The following SGCZ variants were observed in gnomAD, a reference collection of about 807,000 sequenced individuals.
SGCZ encodes sarcoglycan zeta.
A neutral mutation model predicts 41.3 loss-of-function variants in SGCZ; 40 were observed. That is an observed-to-expected ratio of 0.97 (90% CI 0.75 to 1.26). The LOEUF (loss-of-function observed/expected upper bound fraction) is 1.26, where lower values mean the gene tolerates loss of function less well. Ranked by LOEUF, SGCZ falls within the 50% of genes most tolerant of loss-of-function variation. The probability of loss-of-function intolerance (pLI) is 0.00; values close to 1 mark genes in which losing one functional copy is unlikely to be tolerated. For missense variants in SGCZ, 552 were observed against 369.8 expected, an observed-to-expected ratio of 1.49 and a Z score of -4.04; for synonymous variants, 206 against 137.5, an observed-to-expected ratio of 1.50 and a Z score of -3.49.
chr8:15,200,096 C>A (rs1800846215), intron 1 of SGCZ, among the ~76,000 whole-genome samples: 1 of 152,218 alleles, frequency 6.6e-6, no homozygotes, highest in African/African-American at 2.4e-5. Context: ...AGGGCCAACA[C>A]TGTAGAAATT....
At chr8:15,197,982 A>G (rs917390527) in intron 1 of SGCZ, among the ~76,000 whole-genome samples, 1 of 149,240 alleles carries the variant, frequency 6.7e-6, no homozygotes, top group African/African-American at 2.4e-5. Flanking sequence ...TATTATGTAC[A>G]GATACATATA....
intron 1 of SGCZ, among the ~76,000 whole-genome samples, chr8:14,739,610 T>C (rs1363631374): frequency 6.6e-6 from 1 of 152,064 alleles, no homozygotes; most frequent in African/African-American, 2.4e-5. Context: ...TTAATGTAAA[T>C]TCTTCTTTGT....
intron 1 of SGCZ, among the ~76,000 whole-genome samples, chr8:15,031,166 G>C (rs1803645946): frequency 6.6e-6 from 1 of 151,984 alleles, no homozygotes; most frequent in South Asian, 2.1e-4. Flanking sequence ...AGGATGCTAT[G>C]GCACTTTTAT....
intron 1 of SGCZ, among the ~76,000 whole-genome samples, chr8:14,902,417 C>T (rs1359790031): frequency 4.6e-5 from 7 of 152,060 alleles, no homozygotes; most frequent in African/African-American, 1.7e-4. Flanking sequence ...TCTGTCTCTC[C>T]GAAGTTTTTG....
At chr8:15,182,936 T>G (rs1049455704) in intron 1 of SGCZ, among the ~76,000 whole-genome samples, 3 of 152,214 alleles carry the variant, frequency 2.0e-5, no homozygotes, top group Admixed American at 1.3e-4. Flanking sequence ...AATATTAATT[T>G]TACCTTTTTA....
intron 1 of SGCZ, among the ~76,000 whole-genome samples, chr8:14,945,610 G>C (rs867266472): frequency 1.6e-4 from 25 of 151,960 alleles, no homozygotes; most frequent in Admixed American, 1.3e-4. Flanking sequence ...GTCTGTAAGG[G>C]CGTTTCCGGA....
chr8:14,311,513 A>C (rs912819850), intron 3 of SGCZ, among the ~76,000 whole-genome samples: 1 of 152,144 alleles, frequency 6.6e-6, no homozygotes, highest in African/African-American at 2.4e-5. Context: ...GATCTCTTCA[A>C]ATCTTTTTGG....
At chr8:14,734,767 A>G (rs1294763619) in intron 1 of SGCZ, among the ~76,000 whole-genome samples, 2 of 152,208 alleles carry the variant, frequency 1.3e-5, no homozygotes, top group Admixed American at 1.3e-4. Flanking sequence ...AATGGTAATA[A>G]GTAATTCCAC....
intron 1 of SGCZ, among the ~76,000 whole-genome samples, chr8:14,851,912 G>A (rs1385690191): frequency 1.3e-5 from 2 of 152,026 alleles, no homozygotes; most frequent in Non-Finnish European, 2.9e-5. Flanking sequence ...GAAGAGTGAT[G>A]ATAGCTGAGA....
intron 2 of SGCZ, among the ~76,000 whole-genome samples, chr8:14,527,837 A>G (rs975442101): frequency 2.1e-4 from 32 of 151,976 alleles, no homozygotes; most frequent in Non-Finnish European, 4.1e-4. Context: ...AGGCTCTCAT[A>G]TTGCTGAGGT....
At chr8:14,582,720 C>G (rs1405241696) in intron 1 of SGCZ, among the ~76,000 whole-genome samples, 1 of 140,262 alleles carries the variant, frequency 7.1e-6, no homozygotes. Flanking sequence ...CGTGTGTTCT[C>G]ATTGTTCAAT....
In SGCZ at chr8:14,662,295, A is replaced by G. The variant is rs145787652; in HGVS notation, c.40-107369T>C. Among the ~76,000 whole-genome samples the G allele has an allele frequency of 2.2e-3, 335 of 152,268 alleles. 3 individuals carry two copies. Among genetic ancestry groups the G allele is most frequent in the African/African-American group, 7.8e-3 (324 of 41,562 alleles). On this transcript the variant is annotated intron_variant, in intron 1 of 7. Coordinates refer to ENST00000382080, the MANE Select transcript of SGCZ (RefSeq NM_139167.4). ...TGGATTCAAACAGATGTTATTTCCA[A>G]TTTTTGATTTGTCTGTTTCTGTGAT...
chr8:14,447,110 A>G (rs1800455025), intron 2 of SGCZ, among the ~76,000 whole-genome samples: 1 of 152,198 alleles, frequency 6.6e-6, no homozygotes, highest in South Asian at 2.1e-4. Flanking sequence ...TTAGTCAATT[A>G]AAACACCAAC....
intron 1 of SGCZ, among the ~76,000 whole-genome samples, chr8:14,981,579 C>T (rs558740442): frequency 3.3e-5 from 5 of 152,192 alleles, no homozygotes; most frequent in African/African-American, 9.6e-5. Flanking sequence ...GAACTATATC[C>T]CTCTATATTC....
intron 1 of SGCZ, among the ~76,000 whole-genome samples, chr8:14,671,129 A>G (rs1022725051): frequency 3.3e-5 from 5 of 152,206 alleles, no homozygotes; most frequent in African/African-American, 7.2e-5. Flanking sequence ...CTTCAGCTTC[A>G]GAATCATGTA....
intron 2 of SGCZ, among the ~76,000 whole-genome samples, chr8:14,382,162 G>T (rs1450626450): frequency 1.3e-5 from 2 of 151,608 alleles, no homozygotes; most frequent in African/African-American, 4.9e-5. Context: ...AATTTTTTCT[G>T]CTAAACCAGT....
At chr8:15,157,632 G>A (rs1400609692) in intron 1 of SGCZ, among the ~76,000 whole-genome samples, 1 of 152,048 alleles carries the variant, frequency 6.6e-6, no homozygotes, top group Non-Finnish European at 1.5e-5. Context: ...TACAGCTCTG[G>A]AACAAGTGAA....
intron 2 of SGCZ, among the ~76,000 whole-genome samples, chr8:14,528,318 G>A (rs901383502): frequency 3.7e-4 from 57 of 152,182 alleles, no homozygotes; most frequent in Admixed American, 7.2e-4. Flanking sequence ...GAAAGCATGC[G>A]ACGGATTAAA....
intron 1 of SGCZ, among the ~76,000 whole-genome samples, chr8:15,094,160 G>C (rs568392211): frequency 1.3e-5 from 2 of 151,132 alleles, no homozygotes; most frequent in Non-Finnish European, 2.9e-5. Flanking sequence ...TTTGAGACAC[G>C]GTCTCACTCT....
Sources: allele counts gnomAD v4.1 joint callset (sites outside exome capture counted in the v4.1 genomes callset), GRCh38; gene constraint gnomAD v4.1.1; transcripts MANE v1.5; gene names NCBI Gene and HGNC (gene_info 2026-07-23, HGNC 2026-07-21).